Variants in ARHGEF10L observed in about 807,000 individuals in gnomAD.
ARHGEF10L encodes rho guanine nucleotide exchange factor 10-like protein.
Under a neutral mutation model 141.2 loss-of-function variants are expected in ARHGEF10L, and 69 were observed. The observed-to-expected ratio is 0.49, with a 90% confidence interval of 0.40 to 0.60. The LOEUF is 0.60. ARHGEF10L is among the 20% of genes least tolerant of loss of function. ARHGEF10L has a pLI of 0.00. For missense variants in ARHGEF10L, 1,482 were observed against 1,734.3 expected (o/e 0.85, Z 2.58); for synonymous variants, 711 against 718.5 (o/e 0.99, Z 0.17).
chr1:17,654,518 C>T lies in ARHGEF10L; in HGVS notation c.2395-118C>T, dbSNP rs1408512596. On this transcript the variant is annotated intron_variant, in intron 22 of 28. Coordinates refer to ENST00000361221, the MANE Select transcript of ARHGEF10L (RefSeq NM_018125.4). The surrounding 1 kb of genome is among the most constrained non-coding windows in gnomAD (Gnocchi z 4.3). ...CTCGTGAAGCATGTTGCTTTCCTGG[C>T]CCCCACCCACAGGGATTCTAATCCA... is the stretch of plus-strand genomic sequence containing the variant. 8.0e-6 allele frequency: 7 copies of T among 876,890 alleles called. No homozygotes were observed. The highest frequency in any genetic ancestry group is 7.2e-5 in the East Asian group (3 of 41,432). The allele number at this position is 876,890 out of a possible 1,614,324, so 54.3% of individuals were successfully genotyped here. A position where few individuals can be genotyped will look rare whatever the true frequency, so the allele number is the denominator to read the frequency against.
At chr1:17,608,021 G>C in intron 7 of ARHGEF10L, 44 bp downstream of exon 7, 2 of 305,144 alleles carry the variant, frequency 6.6e-6, no homozygotes, top group South Asian at 5.3e-5. Context: ...AGGGCACGGA[G>C]ACCCCTTCAG....
chr1:17,671,008 C>T (rs2063285563), intron 26 of ARHGEF10L, among the ~76,000 whole-genome samples: 1 of 152,270 alleles, frequency 6.6e-6, no homozygotes, highest in Non-Finnish European at 1.5e-5. Context: ...CATCACCCGG[C>T]TTTATTGCCT....
chr1:17,569,678 C>T (rs1008758076), intron 1 of ARHGEF10L, among the ~76,000 whole-genome samples: 4 of 152,134 alleles, frequency 2.6e-5, no homozygotes, highest in South Asian at 2.1e-4. Flanking sequence ...CCTGGGACAC[C>T]GGTGCCCAGC....
chr1:17,567,106 C>G (rs982230063), intron 1 of ARHGEF10L, among the ~76,000 whole-genome samples: 2 of 152,234 alleles, frequency 1.3e-5, no homozygotes, highest in Non-Finnish European at 2.9e-5. Context: ...ACAGGACGAC[C>G]TTGGATAGAC....
chr1:17,584,256 G>C (rs542948175), intron 2 of ARHGEF10L, among the ~76,000 whole-genome samples: 3 of 152,156 alleles, frequency 2.0e-5, no homozygotes, highest in Admixed American at 2.0e-4. Context: ...TGTTACCTGG[G>C]CTGGTCACAA....
At chr1:17,582,285 C>T (rs1012572137) in intron 2 of ARHGEF10L, among the ~76,000 whole-genome samples, 2 of 152,118 alleles carry the variant, frequency 1.3e-5, no homozygotes, top group African/African-American at 4.8e-5. Context: ...CACCAAGAGG[C>T]CTGAACCTGA....
chr1:17,642,608 A>G (rs2061389284), intron 21 of ARHGEF10L, among the ~76,000 whole-genome samples: 1 of 152,122 alleles, frequency 6.6e-6, no homozygotes, highest in African/African-American at 2.4e-5. Flanking sequence ...AGGAACCTGG[A>G]CCAGAGGCTT....
Position 17,541,877 on chromosome 1 carries a change from G to T in ARHGEF10L, c.-44+1927G>T, listed in dbSNP as rs191189350. ...AGCTACTCGGGAGGCTGAAGCAGGAGAATCGCTTGAACCCGGGAAGTGCAG... is the reference window on the plus strand; with the variant it reads ...AGCTACTCGGGAGGCTGAAGCAGGATAATCGCTTGAACCCGGGAAGTGCAG... On this transcript the variant is annotated intron_variant, in intron 1 of 28. Coordinates refer to ENST00000361221, the MANE Select transcript of ARHGEF10L (RefSeq NM_018125.4). Among the ~76,000 whole-genome samples the T allele has an allele frequency of 4.0e-3, 606 of 152,294 alleles. 5 individuals carry two copies. Among genetic ancestry groups the T allele is most frequent in the African/African-American group, 0.014 (579 of 41,564 alleles).
At chr1:17,662,719 C>G (rs1571353969) in intron 25 of ARHGEF10L, among the ~76,000 whole-genome samples, 1 of 151,982 alleles carries the variant, frequency 6.6e-6, no homozygotes, top group East Asian at 1.9e-4. Flanking sequence ...GGGTGGGAGT[C>G]TAGTTTGGCT....
At chr1:17,571,163 G>C (rs144645895) in intron 1 of ARHGEF10L, among the ~76,000 whole-genome samples, 4 of 152,118 alleles carry the variant, frequency 2.6e-5, no homozygotes, top group Admixed American at 2.6e-4. Flanking sequence ...CCGCGGTGTA[G>C]CCTGAACCTG....
chr1:17,643,704 G>T (rs1167052356), intron 21 of ARHGEF10L, among the ~76,000 whole-genome samples: 2 of 152,138 alleles, frequency 1.3e-5, no homozygotes, highest in Non-Finnish European at 2.9e-5. Flanking sequence ...AGTGCCCCCT[G>T]CACAGGGCTC....
At chr1:17,683,348 C>T (rs1275654834) in intron 26 of ARHGEF10L, among the ~76,000 whole-genome samples, 1 of 125,950 alleles carries the variant, frequency 7.9e-6, no homozygotes, top group Non-Finnish European at 1.7e-5. Flanking sequence ...CCGGGGTGCT[C>T]ACTGCCCCCT....
At chr1:17,683,465 C>T (rs1433738342) in intron 26 of ARHGEF10L, among the ~76,000 whole-genome samples, 1 of 152,208 alleles carries the variant, frequency 6.6e-6, no homozygotes, top group African/African-American at 2.4e-5. Context: ...GTGCCAGGCT[C>T]AGTCCCTCAG....
chr1:17,629,832 G>A (rs1465293368), intron 15 of ARHGEF10L, among the ~76,000 whole-genome samples: 3 of 152,190 alleles, frequency 2.0e-5, no homozygotes, highest in Non-Finnish European at 2.9e-5. Context: ...CTCCCTCTTC[G>A]GTGACCAAGA....
At chr1:17,691,035 C>A in intron 27 of ARHGEF10L, 1 of 409,524 alleles carries the variant, frequency 2.4e-6, no homozygotes, top group South Asian at 1.8e-5. Flanking sequence ...ATTGCACTTC[C>A]TTCCCCTGAC....
chr1:17,593,227 G>A (rs2079742138), intron 4 of ARHGEF10L, among the ~76,000 whole-genome samples: 1 of 152,196 alleles, frequency 6.6e-6, no homozygotes. Context: ...CCAGTGCCTG[G>A]CAGAGATGGT....
At chr1:17,545,882 G>A (rs1470303906) in intron 1 of ARHGEF10L, among the ~76,000 whole-genome samples, 1 of 152,212 alleles carries the variant, frequency 6.6e-6, no homozygotes, top group African/African-American at 2.4e-5. Flanking sequence ...CTTTGCACAT[G>A]CTGCTCCTTC....
chr1:17,543,419 C>A (rs1275050301), intron 1 of ARHGEF10L, among the ~76,000 whole-genome samples: 1 of 151,928 alleles, frequency 6.6e-6, no homozygotes, highest in Non-Finnish European at 1.5e-5. Flanking sequence ...CCCATCTCTA[C>A]TAAAAATACA....
chr1:17,688,909 G>A (rs1038874684), intron 27 of ARHGEF10L, among the ~76,000 whole-genome samples: 54 of 152,104 alleles, frequency 3.6e-4, no homozygotes, highest in African/African-American at 1.2e-3. Flanking sequence ...CTGATCACAC[G>A]GGGATGGTGG....
Sources: allele counts gnomAD v4.1 joint callset (sites outside exome capture counted in the v4.1 genomes callset), GRCh38; gene constraint gnomAD v4.1.1; non-coding constraint Gnocchi (gnomAD v3.1); transcripts MANE v1.5; gene names NCBI Gene and HGNC (gene_info 2026-07-23, HGNC 2026-07-21).